SUPT6H: variants seen among roughly 807,000 people sequenced by gnomAD.
SUPT6H encodes SPT6 homolog, histone chaperone and transcription elongation factor.
In SUPT6H, 11 loss-of-function variants were observed where a neutral mutation model predicts 222.3. That is an observed-to-expected ratio of 0.05 (90% CI 0.03 to 0.08). SUPT6H has a LOEUF of 0.08. Ranked by LOEUF, SUPT6H falls within the 10% of genes least tolerant of loss-of-function variation. The probability of loss-of-function intolerance (pLI) is 1.00; values close to 1 mark genes in which losing one functional copy is unlikely to be tolerated. For synonymous variants in SUPT6H, 762 were observed against 801.2 expected (o/e 0.95, Z 0.83); for missense variants, 1,422 against 2,216.0 (o/e 0.64, Z 7.19).
At chr17:28,670,076 G>A (rs1360988529) in intron 1 of SUPT6H, 1 of 152,180 alleles carries the variant, frequency 6.6e-6, no homozygotes, top group African/African-American at 2.4e-5. Context: ...ATAACCTCTG[G>A]AAAACTCCAC....
intron 25 of SUPT6H, 67 bp from the exon 26 acceptor site, chr17:28,690,015 A>G: frequency 1.3e-6 from 2 of 1,551,554 alleles, no homozygotes; most frequent in South Asian, 1.2e-5. Context: ...CGCCCCTTCC[A>G]CGGGACTCCT....
At chr17:28,681,150 C>T in intron 11 of SUPT6H, 106 bp from the exon 12 acceptor site, 1 of 1,241,286 alleles carries the variant, frequency 8.1e-7, no homozygotes, top group South Asian at 1.3e-5. Context: ...GTTGGGATCC[C>T]ATTTTAGTTG....
At position 28,683,807 on chromosome 17, in the gene SUPT6H, T is replaced by C; in HGVS notation, c.2220T>C (p.Tyr740=). The C allele has an allele frequency of 6.2e-7, 1 of 1,611,656 alleles. No homozygotes were observed. The highest frequency in any genetic ancestry group is 8.5e-7 in the Non-Finnish European group (1 of 1,179,470). ...AGCTGCTGGCTGAAGCCAAGGAATA[T>C]GTCATAAAGGTGAGGACAGAGACTC... ...KNKLLAEAKE[Y]VIKACSRKLY... Residue 740 remains tyrosine (Y), a synonymous_variant, in exon 17 of 37, where the codon TAT becomes TAC. Coordinates refer to ENST00000314616, the MANE Select transcript of SUPT6H (RefSeq NM_003170.5).
In SUPT6H at chr17:28,672,367, A is replaced by C. The variant is rs546117632; in HGVS notation, c.-31-1004A>C. ...AAACTTTGGGGAAGAGAGATGATAC[A>C]TATACAAGTCTGGTATAATTGCCTT... On this transcript the variant is annotated intron_variant, in intron 1 of 36. Transcript: ENST00000314616. 1.9e-3 allele frequency among the ~76,000 whole-genome samples: 287 copies of C among 152,182 alleles called. 1 individual carries two copies. Among genetic ancestry groups the C allele is most frequent in the South Asian group, 0.01 (50 of 4,818 alleles).
Position 28,674,957 on chromosome 17 carries a change from T to G in SUPT6H, c.346-13T>G, listed in dbSNP as rs1205219585. 6.2e-7 allele frequency: 1 copy of G among 1,612,716 alleles called. No homozygotes were observed. The highest frequency in any genetic ancestry group is 8.5e-7 in the Non-Finnish European group (1 of 1,179,326). ...TCCTCAGATCCTGATAAGGCAGGTT[T>G]TCCCACCCCTAGCAAAAGTACCGGC... On this transcript the variant is annotated splice_polypyrimidine_tract_variant and intron_variant, in intron 4 of 36. Coordinates refer to ENST00000314616, the MANE Select transcript of SUPT6H (RefSeq NM_003170.5).
chr17:28,685,091 T>C (rs2031315253), intron 19 of SUPT6H, 130 bp downstream of exon 19: 6 of 854,532 alleles, frequency 7.0e-6, no homozygotes, highest in Non-Finnish European at 9.1e-6. Context: ...CACTGACTTG[T>C]CCCCTGGGAT....
chr17:28,671,724 G>A (rs1304416055), intron 1 of SUPT6H, among the ~76,000 whole-genome samples: 1 of 152,192 alleles, frequency 6.6e-6, no homozygotes, highest in Admixed American at 6.5e-5. Context: ...GAATGCTAAG[G>A]AAAATTAGGC....
intron 36 of SUPT6H, 125 bp downstream of exon 36, chr17:28,701,253 G>C: frequency 2.1e-6 from 3 of 1,427,732 alleles, no homozygotes; most frequent in Non-Finnish European, 2.8e-6. Context: ...TGATATGCCA[G>C]GAACACTAGT....
chr17:28,679,315 G>A (rs1206414048), intron 11 of SUPT6H, among the ~76,000 whole-genome samples: 3 of 152,120 alleles, frequency 2.0e-5, no homozygotes, highest in South Asian at 2.1e-4. Flanking sequence ...GGAGGTTGCC[G>A]TGAGCTGAGA....
At position 28,676,516 on chromosome 17, in the gene SUPT6H, T is replaced by C; in HGVS notation, c.897+86T>C. The stretch of plus-strand genomic sequence containing the variant: ...ATTCTAGCAAAAGTCTGGCATTGAG[T>C]ATCCAGCACAGGTTTGAACCTCATC... On this transcript the variant is annotated intron_variant, in intron 7 of 36. Transcript: ENST00000314616. 8.8e-6 allele frequency: 14 copies of C among 1,586,438 alleles called. 1 individual carries two copies. In the South Asian group the frequency reaches 1.4e-4, roughly 15 times the overall value.
intron 11 of SUPT6H, chr17:28,681,036 A>C (rs2031075300): frequency 4.0e-6 from 2 of 496,772 alleles, no homozygotes; most frequent in Non-Finnish European, 7.2e-6. Flanking sequence ...CGGCAGCCTC[A>C]ACCGCCCGGG....
chr17:28,698,222 A>G (rs1290574085), intron 32 of SUPT6H, among the ~76,000 whole-genome samples, 192 bp downstream of exon 32: 8 of 152,246 alleles, frequency 5.3e-5, no homozygotes, highest in Admixed American at 1.3e-4. Flanking sequence ...AAGGATTCAC[A>G]TAAGAAGGGC....
In SUPT6H at chr17:28,687,252, G is replaced by A. The variant is rs201215757; in HGVS notation, c.2838+27G>A. The A allele has an allele frequency of 3.4e-5, 55 of 1,614,148 alleles. No individual in the cohort carries two copies. The South Asian group carries it at 4.5e-4, about 13-fold the overall frequency. On this transcript the variant is annotated intron_variant, in intron 22 of 36. Transcript: ENST00000314616. The stretch of plus-strand genomic sequence containing the variant: ...TGAGTAGGATTTGACAGGCAGGCTC[G>A]GGTGAAGGGAAAGGCAGAGTAACCT...
rs1407466564 is a variant in SUPT6H, at chr17:28,674,559, G to A, written c.291G>A (p.Glu97=). The change falls in exon 4 of 37, where the codon GAG becomes GAA. Residue 97 remains glutamate, a synonymous_variant. Transcript: ENST00000314616. ...RKRTSFDDRL[E]DDDFDLIEEN... ...CAGCCTCTTTTGATGACCGCCTGGA[G>A]GATGATGATTTTGACCTCATTGAGG... 1.2e-6 allele frequency: 2 copies of A among 1,614,162 alleles called. No individual in the cohort carries two copies. Among genetic ancestry groups the A allele is most frequent in the East Asian group, 2.2e-5 (1 of 44,892 alleles).
intron 28 of SUPT6H, chr17:28,695,124 C>G: frequency 2.0e-6 from 1 of 499,624 alleles, no homozygotes; most frequent in Non-Finnish European, 3.6e-6. Context: ...CAGGCTTCAG[C>G]TGGTTTTCCT....
At chr17:28,675,314 CT>C (rs1210863029) in intron 5 of SUPT6H, 86 bp from the exon 6 acceptor site, 4 of 1,516,466 alleles carry the variant, frequency 2.6e-6, no homozygotes. Flanking sequence ...CTGTTGCTCA[CT>C]GGCCACTCAC....
rs933143287 is a variant in SUPT6H at position 28,662,207 on chromosome 17, T to C, written c.-167T>C. 1.7e-5 allele frequency: 4 copies of C among 240,378 alleles called. No individual in the cohort carries two copies. Among genetic ancestry groups the C allele is most frequent in the Non-Finnish European group, 3.3e-5 (4 of 121,104 alleles). 14.9% of individuals were successfully genotyped at this position (240,378 alleles called of 1,614,324 possible). On this transcript the variant is annotated 5_prime_UTR_variant, in exon 1 of 37. Coordinates refer to ENST00000314616, the MANE Select transcript of SUPT6H (RefSeq NM_003170.5). ...GGGAGCCGGAAATGACGTAGCACGTTGACGCAGCAGCGGCGGCGGTGGCGG... is the reference window on the plus strand; with the variant it reads ...GGGAGCCGGAAATGACGTAGCACGTCGACGCAGCAGCGGCGGCGGTGGCGG...
In SUPT6H at chr17:28,682,862, C is replaced by T. The variant is rs775197997; in HGVS notation, c.1727+6C>T. ...GCCAAGGATTACGTTTGCAGGTAGG[C>T]ATGCAGCAGGTGGCTGACAGGAGGA... is the stretch of plus-strand genomic sequence containing the variant. On this transcript the variant is annotated splice_donor_region_variant and intron_variant, in intron 14 of 36. Transcript: ENST00000314616. The T allele has an allele frequency of 6.2e-7, 1 of 1,614,124 alleles. No homozygotes were observed. Among genetic ancestry groups the T allele is most frequent in the South Asian group, 1.1e-5 (1 of 91,088 alleles).
At position 28,689,269 on chromosome 17, in the gene SUPT6H, T is replaced by C. The variant is rs1597711598; in HGVS notation, c.3135-85T>C. On this transcript the variant is annotated intron_variant, in intron 24 of 36. Transcript: ENST00000314616. ...TTGTATGGAGGTGCCCTAATTTATT[T>C]AACCAGTTCCCCATTGGTGGACATT... The C allele has an allele frequency of 3.8e-6, 5 of 1,303,814 alleles. No individual in the cohort carries two copies. The South Asian group carries it at 6.3e-5, about 16-fold the overall frequency. 80.8% of individuals were successfully genotyped at this position (1,303,814 alleles called of 1,614,324 possible).
Sources: allele counts gnomAD v4.1 joint callset (sites outside exome capture counted in the v4.1 genomes callset), GRCh38; gene constraint gnomAD v4.1.1; transcripts MANE v1.5; gene names NCBI Gene and HGNC (gene_info 2026-07-23, HGNC 2026-07-21).